HTN3: variants seen among roughly 807,000 people sequenced by gnomAD.
HTN3 encodes the protein histatin 3.
In HTN3, 15 loss-of-function variants were observed where a neutral mutation model predicts 10.6. The ratio of observed to expected loss-of-function variants is 1.42; its 90% confidence interval spans 0.95 to 2.18. The LOEUF is 2.18. Ranked by LOEUF, HTN3 falls within the 30% of genes most tolerant of loss-of-function variation. HTN3 has a pLI of 0.00. For missense variants in HTN3, 68 were observed against 58.0 expected (o/e 1.17, Z -0.56); for synonymous variants, 15 against 16.9 (o/e 0.89, Z 0.27).
At chr4:70,033,326 A>C in intron 5 of HTN3, 73 bp downstream of exon 5, 1 of 715,978 alleles carries the variant, frequency 1.4e-6, no homozygotes, top group Non-Finnish European at 2.3e-6. Flanking sequence ...AAATTAAAAA[A>C]AAGCCATTAA....
At chr4:70,030,037 A>G (rs1251560013) in intron 1 of HTN3, among the ~76,000 whole-genome samples, 1 of 152,160 alleles carries the variant, frequency 6.6e-6, no homozygotes, top group African/African-American at 2.4e-5. Context: ...TTTAATTAGC[A>G]TTCTTAATGT....
intron 5 of HTN3, among the ~76,000 whole-genome samples, chr4:70,035,575 A>T (rs1725496436): frequency 6.6e-6 from 1 of 152,218 alleles, no homozygotes; most frequent in East Asian, 1.9e-4. Context: ...AGTAACTCTA[A>T]TGAGCAATGG....
At chr4:70,031,343 G>C (rs1328764572) in intron 2 of HTN3, 1 of 153,556 alleles carries the variant, frequency 6.5e-6, no homozygotes, top group African/African-American at 2.4e-5. Context: ...TAGTAGAAAA[G>C]GCACTTGACC....
At chr4:70,035,607 T>C (rs753070623) in intron 5 of HTN3, among the ~76,000 whole-genome samples, 1 of 152,198 alleles carries the variant, frequency 6.6e-6, no homozygotes, top group Non-Finnish European at 1.5e-5. Flanking sequence ...ACTAATAAAA[T>C]ATCAACAAGG....
At chr4:70,031,208 C>A (rs1422972970) in intron 2 of HTN3, 2 of 162,490 alleles carry the variant, frequency 1.2e-5, no homozygotes, top group Non-Finnish European at 2.6e-5. Context: ...CCAAACTGTT[C>A]AAGTTAGCAT....
chr4:70,036,134 A>G (rs1725511871), intron 5 of HTN3, 133 bp from the exon 6 acceptor site: 1 of 152,198 alleles, frequency 6.6e-6, no homozygotes, highest in African/African-American at 2.4e-5. Flanking sequence ...CTCTGTCTCA[A>G]ATATTATTTT....
At chr4:70,035,269 C>G (rs1422003369) in intron 5 of HTN3, among the ~76,000 whole-genome samples, 4 of 152,116 alleles carry the variant, frequency 2.6e-5, no homozygotes, top group Admixed American at 6.6e-5. Context: ...TTATCCTGAC[C>G]CTGACAACTA....
chr4:70,033,751 G>A (rs1005580570), intron 5 of HTN3, among the ~76,000 whole-genome samples: 1 of 152,108 alleles, frequency 6.6e-6, no homozygotes, highest in Non-Finnish European at 1.5e-5. Context: ...AGAATGGAAT[G>A]TTTTTCCATT....
At chr4:70,030,668 GT>G (rs1725363885) in intron 1 of HTN3, 59 bp from the exon 2 acceptor site, 1 of 1,132,644 alleles carries the variant, frequency 8.8e-7, no homozygotes, top group South Asian at 1.2e-5. Flanking sequence ...ATCAGTAGAA[GT>G]TTGATGAATG....
At chr4:70,033,991 C>T (rs567182396) in intron 5 of HTN3, 99 of 152,190 alleles carry the variant, frequency 6.5e-4, no homozygotes, top group African/African-American at 2.3e-3. Flanking sequence ...ACTGGGAAAA[C>T]TGGCTAGCCA....
Position 70,030,780 on chromosome 4 carries a change from C to A in HTN3, c.40C>A (p.Leu14Ile), listed in dbSNP as rs376358599. The A allele has an allele frequency of 1.9e-6, 3 of 1,611,114 alleles. No homozygotes were observed. The highest frequency in any genetic ancestry group is 1.3e-5 in the African/African-American group (1 of 74,982). ...TTTTGCTTTAATCTTGGCTCTCATG[C>A]TTTCCATGACTGTAAGTATATCTGG... ...FVFALILALM[L>I]SMTGADSHAK... is the part of the protein sequence containing the mutation. Residue 14 changes from leucine (L) to isoleucine (I), a missense_variant, in exon 2 of 6, where the codon CTT (leucine) becomes ATT (isoleucine). By Grantham distance (5) the Leu-to-Ile change is conservative. Coordinates refer to ENST00000673563, the MANE Select transcript of HTN3 (RefSeq NM_000200.3).
At chr4:70,031,055 G>A (rs570598131) in intron 2 of HTN3, 49 of 300,602 alleles carry the variant, frequency 1.6e-4, no homozygotes, top group African/African-American at 1.1e-3. Flanking sequence ...ATGTGGGACT[G>A]AGAACTGTGA....
Position 70,030,732 on chromosome 4 carries a change from C to T in HTN3, c.-9C>T. 1.9e-6 allele frequency: 3 copies of T among 1,604,444 alleles called. No individual in the cohort carries two copies. Among genetic ancestry groups the T allele is most frequent in the Non-Finnish European group, 2.6e-6 (3 of 1,171,592 alleles). On this transcript the variant is annotated 5_prime_UTR_variant, in exon 2 of 6. Coordinates refer to ENST00000673563, the MANE Select transcript of HTN3 (RefSeq NM_000200.3). ...TTTTCATGTTTGATTTTATAGGACT[C>T]AGCCAACTATGAAGTTTTTTGTTTT...
chr4:70,029,645 G>C (rs1001055432), intron 1 of HTN3, among the ~76,000 whole-genome samples: 1 of 152,090 alleles, frequency 6.6e-6, no homozygotes, highest in African/African-American at 2.4e-5. Context: ...GTATTTTCCA[G>C]TGGAAATGCT....
intron 1 of HTN3, 70 bp downstream of exon 1, chr4:70,028,586 C>A (rs1257025773): frequency 1.3e-5 from 2 of 151,868 alleles, no homozygotes; most frequent in Non-Finnish European, 2.9e-5. Flanking sequence ...TCAATAGTAA[C>A]CCACTTATGA....
At chr4:70,032,397 T>G (rs1334482468) in intron 4 of HTN3, among the ~76,000 whole-genome samples, 1 of 152,020 alleles carries the variant, frequency 6.6e-6, no homozygotes, top group Admixed American at 6.6e-5. Flanking sequence ...AAAGAATAGT[T>G]CCTAATTCTA....
At chr4:70,031,655 TATTC>T (rs1213255874) in intron 2 of HTN3, among the ~76,000 whole-genome samples, 1 of 152,124 alleles carries the variant, frequency 6.6e-6, no homozygotes, top group African/African-American at 2.4e-5. Flanking sequence ...ACATAGAACA[TATTC>T]ATATAAAAAA....
intron 1 of HTN3, among the ~76,000 whole-genome samples, chr4:70,030,173 A>G (rs1725347704): frequency 2.0e-5 from 3 of 152,106 alleles, no homozygotes; most frequent in Admixed American, 2.0e-4. Flanking sequence ...ATTTCATTGC[A>G]GTCTCCCAAC....
chr4:70,030,601 C>G, intron 1 of HTN3, 127 bp from the exon 2 acceptor site: 1 of 689,274 alleles, frequency 1.5e-6, no homozygotes, highest in Non-Finnish European at 2.6e-6. Flanking sequence ...TGCTCATGCC[C>G]CTGCACTCCA....
Sources: allele counts gnomAD v4.1 joint callset (sites outside exome capture counted in the v4.1 genomes callset), GRCh38; gene constraint gnomAD v4.1.1; transcripts MANE v1.5; gene names NCBI Gene and HGNC (gene_info 2026-07-23, HGNC 2026-07-21).